HOOK1: variants seen among roughly 807,000 people sequenced by gnomAD.
HOOK1 encodes protein Hook homolog 1.
HOOK1 carries 60 observed loss-of-function variants against 112.8 expected under a neutral mutation model. The observed-to-expected ratio is 0.53, with a 90% CI of 0.43 to 0.66. The LOEUF (loss-of-function observed/expected upper bound fraction) is 0.66, where lower values mean the gene tolerates loss of function less well. Among genes scored for constraint, HOOK1 ranks in the 30% least tolerant of loss-of-function variants. The pLI, the probability that HOOK1 is intolerant of heterozygous loss-of-function variation, is 0.00. For synonymous variants in HOOK1, 294 were observed against 283.8 expected (o/e 1.04, Z -0.36); for missense variants, 770 against 856.0 (o/e 0.90, Z 1.25).
intron 12 of HOOK1, among the ~76,000 whole-genome samples, chr1:59,854,040 T>TA (rs2098409156): frequency 1.2e-4 from 5 of 41,054 alleles, no homozygotes; most frequent in East Asian, 9.2e-4. Context: ...ATATATATAT[T>TA]TTTTTTTTTT....
At chr1:59,870,414 A>C (rs1231654572) in intron 20 of HOOK1, among the ~76,000 whole-genome samples, 1 of 152,220 alleles carries the variant, frequency 6.6e-6, no homozygotes, top group Admixed American at 6.5e-5. Flanking sequence ...GTGAGTCTGA[A>C]GAAGGGCATC....
chr1:59,869,734 AT>A (rs1341920310), intron 20 of HOOK1, among the ~76,000 whole-genome samples: 1 of 152,160 alleles, frequency 6.6e-6, no homozygotes, highest in African/African-American at 2.4e-5. Flanking sequence ...TGTCCAGGCT[AT>A]GTTGTGTGTT....
At chr1:59,851,946 T>C (rs2098407369) in intron 12 of HOOK1, among the ~76,000 whole-genome samples, 1 of 151,720 alleles carries the variant, frequency 6.6e-6, no homozygotes, top group African/African-American at 2.4e-5. Flanking sequence ...ATTTGTACTT[T>C]ATTATATTAA....
chr1:59,839,862 C>G (rs1445188607), intron 7 of HOOK1, among the ~76,000 whole-genome samples: 2 of 152,054 alleles, frequency 1.3e-5, no homozygotes, highest in Admixed American at 1.3e-4. Flanking sequence ...TAGATACGTT[C>G]CATTGATACC....
intron 3 of HOOK1, among the ~76,000 whole-genome samples, chr1:59,831,888 C>T (rs1027913223): frequency 3.3e-5 from 5 of 152,188 alleles, no homozygotes; most frequent in Admixed American, 6.5e-5. Context: ...AGTTAACTTG[C>T]TCATGACTGC....
At position 59,860,335 on chromosome 1, in the gene HOOK1, T is replaced by C. The variant is rs1574218876; in HGVS notation, c.1532+7T>C. On this transcript the variant is annotated splice_region_variant and intron_variant, in intron 15 of 21. Transcript: ENST00000371208. ...AACTGGAAACTGAGCAGAGGTGATA[T>C]GCTCCTTAGTAACTGAAAATCTTGG... is the stretch of plus-strand genomic sequence containing the variant. The C allele has an allele frequency of 1.9e-6, 3 of 1,553,908 alleles. No homozygotes were observed. Among genetic ancestry groups the C allele is most frequent in the Non-Finnish European group, 2.6e-6 (3 of 1,153,694 alleles).
chr1:59,846,498 C>CCCCT (rs2098403850), intron 9 of HOOK1, among the ~76,000 whole-genome samples: 1 of 147,542 alleles, frequency 6.8e-6, no homozygotes, highest in South Asian at 2.2e-4. Context: ...ATCCTTCCTT[C>CCCCT]CCCTCCCTCC....
At chr1:59,853,557 T>C (rs1428170078) in intron 12 of HOOK1, among the ~76,000 whole-genome samples, 1 of 152,130 alleles carries the variant, frequency 6.6e-6, no homozygotes, top group Non-Finnish European at 1.5e-5. Flanking sequence ...TATTTGCTTT[T>C]CAATTGGAGT....
chr1:59,851,787 T>G (rs1193879917), intron 12 of HOOK1, among the ~76,000 whole-genome samples: 1 of 151,700 alleles, frequency 6.6e-6, no homozygotes, highest in East Asian at 1.9e-4. Context: ...ATACTAGCTG[T>G]GAGTTCTTTG....
chr1:59,872,410 A>G (rs1438750321), intron 21 of HOOK1, among the ~76,000 whole-genome samples: 2 of 152,174 alleles, frequency 1.3e-5, no homozygotes, highest in Non-Finnish European at 2.9e-5. Flanking sequence ...ATTCCCAGGG[A>G]TGCTAATCTT....
At chr1:59,837,351 G>GA (rs2098398432) in intron 7 of HOOK1, among the ~76,000 whole-genome samples, 1 of 152,058 alleles carries the variant, frequency 6.6e-6, no homozygotes, top group African/African-American at 2.4e-5. Context: ...TTTACAGGGG[G>GA]AAAAGACACT....
At position 59,833,413 on chromosome 1, in the gene HOOK1, G is replaced by A. The variant is rs2098395418; in HGVS notation, c.282G>A (p.Gly94=). The A allele has an allele frequency of 2.0e-6, 3 of 1,514,830 alleles. No individual in the cohort carries two copies. Among genetic ancestry groups the A allele is most frequent in the South Asian group, 1.4e-5 (1 of 73,722 alleles). 93.8% of individuals were successfully genotyped at this position (1,514,830 alleles called of 1,614,324 possible). ...GIMSYYHEFL[G]QQISEALIPD... ...TTATTTTAATATTGTAGTTTTTGGGGCAGCAGATTTCAGAAGCACTTATCC... is the reference window on the plus strand; with the variant it reads ...TTATTTTAATATTGTAGTTTTTGGGACAGCAGATTTCAGAAGCACTTATCC... Residue 94 remains glycine, a synonymous_variant, in exon 5 of 22, where the codon GGG becomes GGA. Coordinates refer to ENST00000371208, the MANE Select transcript of HOOK1 (RefSeq NM_015888.6).
intron 12 of HOOK1, among the ~76,000 whole-genome samples, chr1:59,855,141 A>G (rs1192947083): frequency 6.6e-6 from 1 of 152,224 alleles, no homozygotes; most frequent in Non-Finnish European, 1.5e-5. Flanking sequence ...CAAAAAAACA[A>G]CACTTTATTT....
chr1:59,861,357 C>G (rs1178781760), intron 15 of HOOK1, among the ~76,000 whole-genome samples: 1 of 152,166 alleles, frequency 6.6e-6, no homozygotes, highest in African/African-American at 2.4e-5. Context: ...AATCCCACTT[C>G]TAATTTAACT....
At chr1:59,870,171 T>A (rs1644033238) in intron 20 of HOOK1, among the ~76,000 whole-genome samples, 1 of 152,210 alleles carries the variant, frequency 6.6e-6, no homozygotes, top group African/African-American at 2.4e-5. Flanking sequence ...AGTGAAAATA[T>A]ACACCATCAT....
At chr1:59,822,305 T>C (rs1439939607) in intron 2 of HOOK1, among the ~76,000 whole-genome samples, 1 of 152,232 alleles carries the variant, frequency 6.6e-6, no homozygotes, top group Admixed American at 6.5e-5. Context: ...CATTTTAAGG[T>C]ATCCGTGCAT....
intron 7 of HOOK1, 42 bp from the exon 8 acceptor site, chr1:59,840,266 C>G: frequency 7.2e-7 from 1 of 1,388,730 alleles, no homozygotes; most frequent in Middle Eastern, 1.9e-4. Flanking sequence ...ATATTTGTGT[C>G]AAAACACGAT....
At chr1:59,828,971 G>A (rs2098391930) in intron 3 of HOOK1, 119 bp downstream of exon 3, 1 of 717,722 alleles carries the variant, frequency 1.4e-6, no homozygotes. Context: ...TATAGTTTGA[G>A]TTTTAACACA....
chr1:59,850,818 A>C (rs1281340112), intron 12 of HOOK1, among the ~76,000 whole-genome samples: 4 of 151,522 alleles, frequency 2.6e-5, no homozygotes, highest in African/African-American at 9.7e-5. Context: ...TACCACACAA[A>C]TGCAAGATAG....
Sources: gnomAD v4.1 joint callset for allele counts (sites outside exome capture counted in the v4.1 genomes callset) on GRCh38, gnomAD v4.1.1 for gene constraint, MANE v1.5 for transcripts, NCBI Gene and HGNC (gene_info 2026-07-23, HGNC 2026-07-21) for gene names.